The following UHMK1 variants were observed in gnomAD, a reference collection of about 807,000 sequenced individuals.
UHMK1 encodes serine/threonine-protein kinase Kist.
Under a neutral mutation model 44.0 loss-of-function variants are expected in UHMK1, and 18 were observed. The ratio of observed to expected loss-of-function variants is 0.41; its 90% CI spans 0.28 to 0.61. The LOEUF (loss-of-function observed/expected upper bound fraction) is 0.61, where lower values mean the gene tolerates loss of function less well. Ranked by LOEUF, UHMK1 falls within the 20% of genes least tolerant of loss-of-function variation. The probability of loss-of-function intolerance (pLI) is 0.31; values close to 1 mark genes in which losing one functional copy is unlikely to be tolerated. For synonymous variants in UHMK1, 231 were observed against 198.5 expected (o/e 1.16, Z -1.38); for missense variants, 463 against 522.5 (o/e 0.89, Z 1.11).
upstream of UHMK1, chr1:162,497,764 G>C (rs1278276517): frequency 2.4e-6 from 3 of 1,262,180 alleles, no homozygotes; most frequent in South Asian, 2.4e-5. Flanking sequence ...CGCCCCTTCT[G>C]AGCCCCCCCT....
At chr1:162,519,082 C>T (rs981522161) in intron 7 of UHMK1, among the ~76,000 whole-genome samples, 3 of 151,422 alleles carry the variant, frequency 2.0e-5, no homozygotes, top group East Asian at 2.0e-4. Context: ...TTTGGGAGGC[C>T]GAGGCGTGTG....
At chr1:162,497,354 G>T, upstream of UHMK1, 3 of 688,600 alleles carry the variant, frequency 4.4e-6, no homozygotes, top group Admixed American at 6.4e-5. Context: ...ATTTTAGAGT[G>T]CCCTGGCCTG....
At chr1:162,499,479 T>C (rs1312127226) in intron 1 of UHMK1, among the ~76,000 whole-genome samples, 1 of 152,220 alleles carries the variant, frequency 6.6e-6, no homozygotes, top group East Asian at 1.9e-4. Context: ...GACTGCTGTT[T>C]TGGATGAAGA....
In UHMK1 at chr1:162,512,518, A is replaced by G; in HGVS notation, c.867A>G (p.Pro289=). Residue 289 remains proline, a synonymous_variant, in exon 5 of 8, where the codon CCA becomes CCG. Coordinates refer to ENST00000489294, the MANE Select transcript of UHMK1 (RefSeq NM_175866.5). ...DLIKSMLHDD[P]SRRIPAEMAL... ...GTTTTAGCATGCTTCATGATGATCC[A>G]AGCAGAAGAATTCCTGCTGAAATGG... 6.2e-7 allele frequency: 1 copy of G among 1,612,818 alleles called. No homozygotes were observed. Among genetic ancestry groups the G allele is most frequent in the Non-Finnish European group, 8.5e-7 (1 of 1,179,752 alleles).
intron 4 of UHMK1, among the ~76,000 whole-genome samples, chr1:162,504,976 T>C (rs961414909): frequency 6.6e-6 from 1 of 152,118 alleles, no homozygotes; most frequent in African/African-American, 2.4e-5. Flanking sequence ...GGTTTCACCA[T>C]GTTGGCTAGG....
intron 4 of UHMK1, among the ~76,000 whole-genome samples, chr1:162,507,552 C>T (rs186563226): frequency 6.6e-6 from 1 of 151,400 alleles, no homozygotes; most frequent in African/African-American, 2.4e-5. Context: ...GGATTACAGG[C>T]ATAAGCCACC....
chr1:162,508,028 A>G (rs1247333171), intron 4 of UHMK1, among the ~76,000 whole-genome samples: 2 of 151,796 alleles, frequency 1.3e-5, no homozygotes, highest in African/African-American at 2.4e-5. Flanking sequence ...CCTGAGTTCT[A>G]TTACCTTATT....
At chr1:162,505,193 A>G (rs569038444) in intron 4 of UHMK1, among the ~76,000 whole-genome samples, 1 of 150,718 alleles carries the variant, frequency 6.6e-6, no homozygotes, top group Non-Finnish European at 1.5e-5. Flanking sequence ...AGACACAAGC[A>G]CACCTTAGCC....
Position 162,524,418 on chromosome 1 carries a change from C to T in UHMK1, c.*1868C>T, listed in dbSNP as rs1050036548. On this transcript the variant is annotated 3_prime_UTR_variant, in exon 8 of 8. Transcript: ENST00000489294. Reference sequence around the variant, plus strand: ...AAGAACTATTATTTTTTATTTTGGCCCTTTCAGGAGTTGATTATAAATTGG... The same window carrying T: ...AAGAACTATTATTTTTTATTTTGGCTCTTTCAGGAGTTGATTATAAATTGG... 1 of 152,036 alleles carries T rather than the reference C, an allele frequency of 6.6e-6. No individual in the cohort carries two copies. The highest frequency in any genetic ancestry group is 2.4e-5 in the African/African-American group (1 of 41,380). 9.4% of individuals were successfully genotyped at this position (152,036 alleles called of 1,614,324 possible).
chr1:162,520,831 C>T (rs796552291), intron 7 of UHMK1, among the ~76,000 whole-genome samples: 1 of 152,148 alleles, frequency 6.6e-6, no homozygotes, highest in African/African-American at 2.4e-5. Context: ...TGGAAGATTT[C>T]GAATGAAGGA....
intron 1 of UHMK1, 22 bp from the exon 2 acceptor site, chr1:162,499,933 G>C (rs1651205030): frequency 6.2e-7 from 1 of 1,610,552 alleles, no homozygotes; most frequent in Non-Finnish European, 8.5e-7. Flanking sequence ...GATTTTTAAA[G>C]TATTATAATT....
intron 4 of UHMK1, among the ~76,000 whole-genome samples, chr1:162,505,763 G>T (rs1184579013): frequency 6.6e-6 from 1 of 152,210 alleles, no homozygotes; most frequent in Admixed American, 6.6e-5. Context: ...TGCTAGAAAA[G>T]TATGGATCCC....
Position 162,529,417 on chromosome 1 carries a change from T to C in UHMK1, c.*6867T>C, listed in dbSNP as rs1041019156. The C allele has an allele frequency of 3.9e-5, 6 of 152,198 alleles. No individual in the cohort carries two copies. The highest frequency in any genetic ancestry group is 1.4e-4 in the African/African-American group (6 of 41,470). The allele number at this position is 152,198 out of a possible 1,614,324, so 9.4% of individuals were successfully genotyped here. A position where few individuals can be genotyped will look rare whatever the true frequency, so the allele number is the denominator to read the frequency against. Reference sequence around the variant, plus strand: ...AGCAAAGAACTTTTATTTTCCACTTTCCTATATTCCTAAAAAGTGTGAACA... The same window carrying C: ...AGCAAAGAACTTTTATTTTCCACTTCCCTATATTCCTAAAAAGTGTGAACA... On this transcript the variant is annotated 3_prime_UTR_variant, in exon 8 of 8. Coordinates refer to ENST00000489294, the MANE Select transcript of UHMK1 (RefSeq NM_175866.5).
At chr1:162,509,190 G>T (rs1206200445) in intron 4 of UHMK1, among the ~76,000 whole-genome samples, 1 of 152,156 alleles carries the variant, frequency 6.6e-6, no homozygotes, top group Non-Finnish European at 1.5e-5. Context: ...TCCCTCTTCT[G>T]TTGTTTTGTA....
intron 7 of UHMK1, among the ~76,000 whole-genome samples, chr1:162,519,325 A>AAC (rs1553225300): frequency 1.3e-5 from 2 of 151,528 alleles, no homozygotes; most frequent in East Asian, 1.9e-4. Context: ...TAAAAAAAAA[A>AAC]AAAACAGTAA....
chr1:162,512,493 G>T lies in UHMK1; in HGVS notation c.849-7G>T. The T allele has an allele frequency of 6.3e-7, 1 of 1,599,802 alleles. No homozygotes were observed. Among genetic ancestry groups the T allele is most frequent in the Non-Finnish European group, 8.5e-7 (1 of 1,176,206 alleles). On this transcript the variant is annotated splice_region_variant and splice_polypyrimidine_tract_variant and intron_variant, in intron 4 of 7. Transcript: ENST00000489294. Reference sequence around the variant, plus strand: ...GAAATGATAAGGCACCTATTTTTGTGTTTTAGCATGCTTCATGATGATCCA... The same window carrying T: ...GAAATGATAAGGCACCTATTTTTGTTTTTTAGCATGCTTCATGATGATCCA...
intron 4 of UHMK1, 55 bp from the exon 5 acceptor site, chr1:162,512,445 T>C (rs1028743652): frequency 1.1e-5 from 15 of 1,414,956 alleles, no homozygotes; most frequent in East Asian, 2.3e-5. Context: ...TCTTTAATGG[T>C]TGCATTTTCA....
chr1:162,519,924 G>A (rs566370456), intron 7 of UHMK1, among the ~76,000 whole-genome samples: 2 of 152,096 alleles, frequency 1.3e-5, no homozygotes, highest in South Asian at 4.2e-4. Flanking sequence ...TTTGAGACAG[G>A]GTCTCACTCT....
At chr1:162,507,736 G>A (rs1249251903) in intron 4 of UHMK1, among the ~76,000 whole-genome samples, 2 of 151,232 alleles carry the variant, frequency 1.3e-5, no homozygotes, top group Non-Finnish European at 2.9e-5. Context: ...ACAGGCACCC[G>A]CTACCACACC....
Sources: gnomAD v4.1 joint callset for allele counts (sites outside exome capture counted in the v4.1 genomes callset) on GRCh38, gnomAD v4.1.1 for gene constraint, MANE v1.5 for transcripts, NCBI Gene and HGNC (gene_info 2026-07-23, HGNC 2026-07-21) for gene names.